The following DEFB134 variants were observed in gnomAD, a reference collection of about 807,000 sequenced individuals.
DEFB134 encodes the protein beta-defensin 134.
In DEFB134, 7 loss-of-function variants were observed where a neutral mutation model predicts 7.4. The ratio of observed to expected loss-of-function variants is 0.95; its 90% confidence interval spans 0.54 to 1.79. The LOEUF (loss-of-function observed/expected upper bound fraction) is 1.79, where lower values mean the gene tolerates loss of function less well. Among genes scored for constraint, DEFB134 ranks in the 40% most tolerant of loss-of-function variants. DEFB134 has a pLI of 0.00. For synonymous variants in DEFB134, 33 were observed against 25.0 expected (o/e 1.32, Z -0.96); for missense variants, 105 against 74.8 (o/e 1.40, Z -1.49).
At chr8:11,996,085 C>T in intron 1 of DEFB134, 109 bp downstream of exon 2, 1 of 1,337,092 alleles carries the variant, frequency 7.5e-7, no homozygotes, top group Admixed American at 2.0e-5. Flanking sequence ...ATGCTTTTTT[C>T]TAGCTTGAAA....
At chr8:11,994,428 G>A (rs1486441641) in intron 1 of DEFB134, among the ~76,000 whole-genome samples, 1 of 152,208 alleles carries the variant, frequency 6.6e-6, no homozygotes, top group Admixed American at 6.5e-5. Context: ...CAATAGGATT[G>A]ATGGTCTTAT....
chr8:11,999,744 G>A (rs532315787), upstream of DEFB134, among the ~76,000 whole-genome samples: 1 of 152,204 alleles, frequency 6.6e-6, no homozygotes, highest in Non-Finnish European at 1.5e-5. Context: ...CTGGTTCACT[G>A]TAGGTGCCAC....
In DEFB134 at chr8:11,996,115, G is replaced by A. The variant is rs547057216; in HGVS notation, c.58+79C>T. ...TTGAAAATTAAAGGGCCCATGGGTGGTGTATGTTTATTGGGTTGTTTAGTG... is the reference window on the plus strand; with the variant it reads ...TTGAAAATTAAAGGGCCCATGGGTGATGTATGTTTATTGGGTTGTTTAGTG... On this transcript the variant is annotated intron_variant, in intron 1 of 1. Coordinates refer to ENST00000526438, the Ensembl canonical transcript of DEFB134. The A allele has an allele frequency of 4.5e-5, 68 of 1,526,452 alleles. No homozygotes were observed. The East Asian group carries it at 1.4e-3, about 32-fold the overall frequency. 94.6% of individuals were successfully genotyped at this position (1,526,452 alleles called of 1,614,324 possible).
intron 1 of DEFB134, among the ~76,000 whole-genome samples, chr8:11,994,887 G>A (rs1318206481): frequency 6.6e-6 from 1 of 152,154 alleles, no homozygotes. Flanking sequence ...CATGACAAGT[G>A]CAATGATGTA....
At chr8:11,994,169 G>A in intron 1 of DEFB134, 47 bp from the exon 3 acceptor site, 2 of 1,560,308 alleles carry the variant, frequency 1.3e-6, no homozygotes, top group Non-Finnish European at 1.7e-6. Context: ...GGCCTTTTTG[G>A]ACCATAAAAT....
At chr8:11,996,464 A>G (rs190470108), upstream of DEFB134, among the ~76,000 whole-genome samples, 1 of 152,282 alleles carries the variant, frequency 6.6e-6, no homozygotes, top group Admixed American at 6.5e-5. Flanking sequence ...TTCTTGTTTG[A>G]CAGCTTTTCC....
At chr8:11,999,865 C>G (rs1800225807), upstream of DEFB134, among the ~76,000 whole-genome samples, 1 of 152,202 alleles carries the variant, frequency 6.6e-6, no homozygotes, top group Non-Finnish European at 1.5e-5. Flanking sequence ...TCTTTTCATC[C>G]ATATATTCCC....
At chr8:11,997,378 T>C (rs1252307416), upstream of DEFB134, among the ~76,000 whole-genome samples, 2 of 152,230 alleles carry the variant, frequency 1.3e-5, no homozygotes, top group African/African-American at 4.8e-5. Flanking sequence ...GCTATGGACA[T>C]TCATGTACAA....
chr8:11,996,181 A>G lies in DEFB134; in HGVS notation c.58+13T>C. The G allele has an allele frequency of 1.2e-6, 2 of 1,613,554 alleles. No individual in the cohort carries two copies. Among genetic ancestry groups the G allele is most frequent in the African/African-American group, 1.3e-5 (1 of 74,994 alleles). ...ATGAAGCACCCCTACCCCCCAAAAT[A>G]TGCCAGTTTTACCTGCCAGCACTGG... is the stretch of plus-strand genomic sequence containing the variant. On this transcript the variant is annotated intron_variant, in intron 1 of 1. Transcript: ENST00000526438.
chr8:11,997,691 C>A (rs1301826438), upstream of DEFB134, among the ~76,000 whole-genome samples: 1 of 152,146 alleles, frequency 6.6e-6, no homozygotes, highest in African/African-American at 2.4e-5. Flanking sequence ...TATATATGCA[C>A]CCAATATTGG....
At position 11,996,167 on chromosome 8, in the gene DEFB134, CT is replaced by C. The variant is rs748166212; in HGVS notation, c.58+26del. 3 of 1,613,034 alleles carry C rather than the reference CT, an allele frequency of 1.9e-6. No individual in the cohort carries two copies. In the African/African-American group the frequency reaches 4.0e-5, roughly 22 times the overall value. On this transcript the variant is annotated intron_variant, in intron 1 of 1. Coordinates refer to ENST00000526438, the Ensembl canonical transcript of DEFB134. ...CATTGTTCTTCTATATGAAGCACCC[CT>C]ACCCCCCAAAATATGCCAGTTTTAC...
upstream of DEFB134, chr8:11,999,519 C>T (rs1367693923): frequency 6.6e-6 from 1 of 152,274 alleles, no homozygotes; most frequent in Non-Finnish European, 1.5e-5. Context: ...CATTACAGTG[C>T]CAAATTCTTT....
chr8:11,996,688 C>G (rs2097395334), upstream of DEFB134, among the ~76,000 whole-genome samples: 1 of 152,152 alleles, frequency 6.6e-6, no homozygotes, highest in Non-Finnish European at 1.5e-5. Context: ...CAGAGACAAA[C>G]TGTCATTCTA....
exon 2 of DEFB134, chr8:11,993,200 C>T (rs1217320985): frequency 6.6e-6 from 1 of 152,222 alleles, no homozygotes; most frequent in Non-Finnish European, 1.5e-5. Context: ...ATTAGTTACA[C>T]ATATAGCAAA....
chr8:11,994,081 T>C, exon 2 of DEFB134: 1 of 1,613,680 alleles, frequency 6.2e-7, no homozygotes, highest in Non-Finnish European at 8.5e-7. Flanking sequence ...ATGCCATTTT[T>C]ATAGCATTTC....
chr8:11,994,583 G>A (rs1169033782), intron 1 of DEFB134, among the ~76,000 whole-genome samples: 1 of 152,174 alleles, frequency 6.6e-6, no homozygotes, highest in Non-Finnish European at 1.5e-5. Flanking sequence ...CACAGTGTGC[G>A]GAATTTTGTT....
exon 2 of DEFB134, chr8:11,993,875 C>T: frequency 6.8e-7 from 1 of 1,470,224 alleles, no homozygotes; most frequent in Non-Finnish European, 9.1e-7. Flanking sequence ...AACCAGTAGT[C>T]ATGGACACAT....
At chr8:11,994,099 T>C in exon 2 of DEFB134, 1 of 1,612,812 alleles carries the variant, frequency 6.2e-7, no homozygotes, top group Non-Finnish European at 8.5e-7. Context: ...TTCTTGTGCA[T>C]TTCTGATGAT....
chr8:11,994,584 G>C (rs1288396657), intron 1 of DEFB134, among the ~76,000 whole-genome samples: 1 of 152,238 alleles, frequency 6.6e-6, no homozygotes, highest in East Asian at 1.9e-4. Context: ...ACAGTGTGCG[G>C]AATTTTGTTA....
Sources: allele counts gnomAD v4.1 joint callset (sites outside exome capture counted in the v4.1 genomes callset), GRCh38; gene constraint gnomAD v4.1.1; transcripts MANE v1.5; gene names NCBI Gene and HGNC (gene_info 2026-07-23, HGNC 2026-07-21).